MGAT4C: variants seen among roughly 807,000 people sequenced by gnomAD.
MGAT4C encodes alpha-1,3-mannosyl-glycoprotein 4-beta-N-acetylglucosaminyltransferase C.
MGAT4C carries 19 observed loss-of-function variants against 40.1 expected under a neutral mutation model. The ratio of observed to expected loss-of-function variants is 0.47; its 90% CI spans 0.33 to 0.70. The LOEUF is 0.70. Ranked by LOEUF, MGAT4C falls within the 30% of genes least tolerant of loss-of-function variation. The pLI, the probability that MGAT4C is intolerant of heterozygous loss-of-function variation, is 0.02. For missense variants in MGAT4C, 491 were observed against 563.2 expected, an observed-to-expected ratio of 0.87 and a Z score of 1.30; for synonymous variants, 181 against 187.1, an observed-to-expected ratio of 0.97 and a Z score of 0.27.
intron 1 of MGAT4C, among the ~76,000 whole-genome samples, chr12:86,239,402 A>G (rs1951685392): frequency 6.6e-6 from 1 of 152,064 alleles, no homozygotes; most frequent in South Asian, 2.1e-4. Flanking sequence ...AAGAAGCCAC[A>G]GCCATCTCTC....
intron 3 of MGAT4C, among the ~76,000 whole-genome samples, chr12:86,403,549 G>A (rs559566799): frequency 6.6e-6 from 1 of 152,218 alleles, no homozygotes; most frequent in African/African-American, 2.4e-5. Flanking sequence ...GGTCCCATCT[G>A]ATGTTTTTTT....
chr12:86,643,333 C>T (rs550014806), intron 2 of MGAT4C, among the ~76,000 whole-genome samples: 2 of 151,892 alleles, frequency 1.3e-5, no homozygotes, highest in Admixed American at 6.6e-5. Flanking sequence ...GGGACACATT[C>T]AAATCATAGC....
intron 1 of MGAT4C, among the ~76,000 whole-genome samples, chr12:86,732,055 C>T (rs1263275133): frequency 6.6e-6 from 1 of 152,132 alleles, no homozygotes; most frequent in East Asian, 1.9e-4. Context: ...TATTTTCAGC[C>T]ACCACTGGAC....
intron 1 of MGAT4C, among the ~76,000 whole-genome samples, chr12:86,184,247 G>A (rs1360824614): frequency 6.6e-6 from 1 of 151,728 alleles, no homozygotes; most frequent in East Asian, 1.9e-4. Flanking sequence ...CATGGTGGCG[G>A]CTGCCTATAA....
intron 1 of MGAT4C, among the ~76,000 whole-genome samples, chr12:86,155,132 T>C (rs951039773): frequency 4.6e-5 from 7 of 152,182 alleles, no homozygotes; most frequent in Non-Finnish European, 1.5e-5. Flanking sequence ...TAACTATTTT[T>C]CAGGTAGGGA....
At chr12:86,668,620 G>C (rs1194110159) in intron 2 of MGAT4C, among the ~76,000 whole-genome samples, 4 of 152,196 alleles carry the variant, frequency 2.6e-5, no homozygotes, top group Non-Finnish European at 5.9e-5. Flanking sequence ...GGCTGCACAG[G>C]CATTTTAGTT....
intron 1 of MGAT4C, among the ~76,000 whole-genome samples, chr12:86,739,859 C>T (rs1951041190): frequency 6.7e-6 from 1 of 148,384 alleles, no homozygotes; most frequent in Non-Finnish European, 1.5e-5. Context: ...TGCACACAAA[C>T]ACACACACAC....
At chr12:86,393,411 A>G (rs1956191950) in intron 3 of MGAT4C, among the ~76,000 whole-genome samples, 1 of 152,228 alleles carries the variant, frequency 6.6e-6, no homozygotes, top group Non-Finnish European at 1.5e-5. Context: ...ACAAGGGATC[A>G]TACAATCCAA....
intron 2 of MGAT4C, among the ~76,000 whole-genome samples, chr12:86,587,514 G>C (rs1213632884): frequency 6.6e-6 from 1 of 151,852 alleles, no homozygotes; most frequent in Admixed American, 6.6e-5. Context: ...GATGGGGATG[G>C]CATTGAATCT....
Position 85,962,507 on chromosome 12 carries a change from A to T in MGAT4C, c.*16782T>A, listed in dbSNP as rs1592574258. 1 of 149,574 alleles carries T rather than the reference A, an allele frequency of 6.7e-6. No individual in the cohort carries two copies. The highest frequency in any genetic ancestry group is 2.4e-5 in the African/African-American group (1 of 41,092). The allele number at this position is 149,574 out of a possible 1,614,324, so 9.3% of individuals were successfully genotyped here. A position where few individuals can be genotyped will look rare whatever the true frequency, so the allele number is the denominator to read the frequency against. On this transcript the variant is annotated 3_prime_UTR_variant, in exon 5 of 5. Transcript: ENST00000611864. Reference sequence around the variant, plus strand: ...ACTTTTTTATCCTCACAACAATTCAACATGATATGTATGGTTATTACTAAA... The same window carrying T: ...ACTTTTTTATCCTCACAACAATTCATCATGATATGTATGGTTATTACTAAA...
chr12:86,210,247 T>G (rs2135956494), intron 1 of MGAT4C, among the ~76,000 whole-genome samples: 1 of 152,352 alleles, frequency 6.6e-6, no homozygotes, highest in South Asian at 2.1e-4. Context: ...ACTTTAATTA[T>G]AAATAAAGCC....
chr12:86,011,466 G>A (rs774773479), intron 2 of MGAT4C, among the ~76,000 whole-genome samples: 3 of 152,120 alleles, frequency 2.0e-5, no homozygotes, highest in Non-Finnish European at 2.9e-5. Flanking sequence ...CATATGATAG[G>A]TAGAGATTAA....
At chr12:86,709,589 T>C (rs1950522503) in intron 2 of MGAT4C, among the ~76,000 whole-genome samples, 2 of 152,122 alleles carry the variant, frequency 1.3e-5, no homozygotes, top group African/African-American at 4.8e-5. Context: ...TATGTATGTA[T>C]GTATGTATGT....
At chr12:86,279,086 A>C (rs568096605) in intron 4 of MGAT4C, among the ~76,000 whole-genome samples, 55 of 150,954 alleles carry the variant, frequency 3.6e-4, no homozygotes, top group Non-Finnish European at 5.9e-4. Flanking sequence ...TATCATGGAC[A>C]TTGGCCTGTA....
At chr12:86,380,531 A>C (rs1339804032) in intron 3 of MGAT4C, among the ~76,000 whole-genome samples, 1 of 152,180 alleles carries the variant, frequency 6.6e-6, no homozygotes, top group East Asian at 1.9e-4. Context: ...AGACAAGGAC[A>C]TAGATTGTTT....
upstream of MGAT4C, among the ~76,000 whole-genome samples, chr12:86,257,509 C>A (rs1952556079): frequency 6.6e-6 from 1 of 152,186 alleles, no homozygotes; most frequent in Non-Finnish European, 1.5e-5. Context: ...CAAGGAAATT[C>A]ACTTCAACCA....
At chr12:86,496,244 C>G (rs565546546) in intron 2 of MGAT4C, among the ~76,000 whole-genome samples, 1 of 151,964 alleles carries the variant, frequency 6.6e-6, no homozygotes, top group Non-Finnish European at 1.5e-5. Context: ...TGCGGACAAC[C>G]ACATGAGCAA....
intron 4 of MGAT4C, among the ~76,000 whole-genome samples, chr12:86,321,154 T>C (rs1217292390): frequency 6.6e-6 from 1 of 152,174 alleles, no homozygotes; most frequent in African/African-American, 2.4e-5. Flanking sequence ...TTTCAAACTT[T>C]CAATTTTATT....
At chr12:86,016,852 T>C (rs1194605700) in intron 2 of MGAT4C, among the ~76,000 whole-genome samples, 2 of 152,158 alleles carry the variant, frequency 1.3e-5, no homozygotes, top group Non-Finnish European at 2.9e-5. Context: ...ACAGTAATGT[T>C]CTCCACATTT....
Sources: gnomAD v4.1 joint callset for allele counts (sites outside exome capture counted in the v4.1 genomes callset) on GRCh38, gnomAD v4.1.1 for gene constraint, MANE v1.5 for transcripts, NCBI Gene and HGNC (gene_info 2026-07-23, HGNC 2026-07-21) for gene names.